Variants in PNPLA1 observed in about 807,000 individuals in gnomAD.
The protein encoded by PNPLA1 is patatin like domain 1, omega-hydroxyceramide transacylase, also known as omega-hydroxyceramide transacylase.
Under a neutral mutation model 51.7 loss-of-function variants are expected in PNPLA1, and 36 were observed. The observed-to-expected ratio is 0.70, with a 90% confidence interval of 0.53 to 0.92. PNPLA1 has a LOEUF of 0.92. PNPLA1 is among the 40% of genes least tolerant of loss of function. The pLI, the probability that PNPLA1 is intolerant of heterozygous loss-of-function variation, is 0.00. For synonymous variants in PNPLA1, 293 were observed against 280.1 expected, an observed-to-expected ratio of 1.05 and a Z score of -0.46; for missense variants, 658 against 682.5, an observed-to-expected ratio of 0.96 and a Z score of 0.40.
intron 1 of PNPLA1, among the ~76,000 whole-genome samples, chr6:36,277,866 AAAAC>A (rs59344255): frequency 0.25 from 37,225 of 151,906 alleles, 4,509 homozygotes; most frequent in South Asian, 0.27. Context: ...CATGTCTCTA[AAAAC>A]AAACAAACAA....
At chr6:36,273,011 T>G (rs1769967493) in intron 1 of PNPLA1, among the ~76,000 whole-genome samples, 1 of 152,040 alleles carries the variant, frequency 6.6e-6, no homozygotes, top group Admixed American at 6.6e-5. Flanking sequence ...TCCCAGCACT[T>G]TGGAAGGCTG....
At chr6:36,282,787 G>A (rs1770359954) in intron 1 of PNPLA1, among the ~76,000 whole-genome samples, 2 of 152,172 alleles carry the variant, frequency 1.3e-5, no homozygotes, top group Admixed American at 1.3e-4. Context: ...CTGGGTTAAA[G>A]CAATTCTCCT....
intron 5 of PNPLA1, among the ~76,000 whole-genome samples, chr6:36,299,416 G>A (rs1290604039): frequency 1.4e-5 from 2 of 148,072 alleles, no homozygotes; most frequent in Admixed American, 1.4e-4. Context: ...CTCACTGCAA[G>A]CTCCACCTCC....
At chr6:36,281,094 CTT>C (rs1328918259) in intron 1 of PNPLA1, among the ~76,000 whole-genome samples, 2 of 152,192 alleles carry the variant, frequency 1.3e-5, no homozygotes, top group Non-Finnish European at 2.9e-5. Context: ...CACCTGATCT[CTT>C]GTTTCTGAAG....
At chr6:36,277,122 C>G (rs952303288) in intron 1 of PNPLA1, among the ~76,000 whole-genome samples, 1 of 152,154 alleles carries the variant, frequency 6.6e-6, no homozygotes, top group Non-Finnish European at 1.5e-5. Context: ...CATGACAACA[C>G]GACAAAGCCA....
intron 1 of PNPLA1, among the ~76,000 whole-genome samples, chr6:36,274,428 G>A (rs192855093): frequency 2.6e-5 from 4 of 152,284 alleles, no homozygotes; most frequent in African/African-American, 9.6e-5. Context: ...ATCTTGGGAA[G>A]AACATTCTAC....
In PNPLA1 at chr6:36,270,342, G is replaced by T; in HGVS notation, c.-118G>T. 9.5e-7 allele frequency: 1 copy of T among 1,056,022 alleles called. No homozygotes were observed. The highest frequency in any genetic ancestry group is 1.5e-5 in the South Asian group (1 of 65,984). The allele number at this position is 1,056,022 out of a possible 1,614,324, so 65.4% of individuals were successfully genotyped here. On this transcript the variant is annotated 5_prime_UTR_variant, in exon 1 of 9. Transcript: ENST00000636260. ...CCGGGTAGAGACAGCCACATTCCAA[G>T]CTCCGGGGTGGCAGGGAAGCTGGGT...
intron 1 of PNPLA1, among the ~76,000 whole-genome samples, chr6:36,284,848 C>T (rs561363064): frequency 2.6e-5 from 4 of 152,246 alleles, no homozygotes; most frequent in African/African-American, 7.2e-5. Context: ...AGATTTCTTT[C>T]GAACAAAGCC....
In PNPLA1 at chr6:36,293,893, T is replaced by G. The variant is rs2239797; in HGVS notation, c.505-297T>G. 0.12 allele frequency among the ~76,000 whole-genome samples: 18,903 copies of G among 152,122 alleles called. 1,360 individuals are homozygous for G. Among genetic ancestry groups the G allele is most frequent in the Middle Eastern group, 0.24 (71 of 294 alleles). Reference sequence around the variant, plus strand: ...TGCTTTACCCAGAGTATGGGTCCCCTGCACACAGAGCCCTGGGAGCCCCAG... The same window carrying G: ...TGCTTTACCCAGAGTATGGGTCCCCGGCACACAGAGCCCTGGGAGCCCCAG... On this transcript the variant is annotated intron_variant, in intron 3 of 8. Coordinates refer to ENST00000636260, the MANE Select transcript of PNPLA1 (RefSeq NM_001374623.1).
chr6:36,284,232 G>A (rs1294967521), intron 1 of PNPLA1, among the ~76,000 whole-genome samples: 2 of 152,194 alleles, frequency 1.3e-5, no homozygotes, highest in African/African-American at 4.8e-5. Context: ...CTGTTTCCAT[G>A]ACAATCGGAT....
At chr6:36,271,883 G>A (rs944087932) in intron 1 of PNPLA1, among the ~76,000 whole-genome samples, 12 of 152,208 alleles carry the variant, frequency 7.9e-5, no homozygotes, top group Non-Finnish European at 1.3e-4. Context: ...TCCCAGCTCT[G>A]CCATTTCATG....
chr6:36,250,381 A>G (rs1203008339), intron 1 of PNPLA1, among the ~76,000 whole-genome samples: 1 of 152,204 alleles, frequency 6.6e-6, no homozygotes, highest in Non-Finnish European at 1.5e-5. Context: ...TGAGAATATC[A>G]TGGTGTAAGG....
At chr6:36,260,913 T>A (rs1769633121) in intron 1 of PNPLA1, among the ~76,000 whole-genome samples, 1 of 152,076 alleles carries the variant, frequency 6.6e-6, no homozygotes, top group Non-Finnish European at 1.5e-5. Context: ...AGCCTTGACC[T>A]CCCAGGCTCA....
chr6:36,275,220 A>G (rs1346229770), intron 1 of PNPLA1, among the ~76,000 whole-genome samples: 1 of 152,144 alleles, frequency 6.6e-6, no homozygotes, highest in Non-Finnish European at 1.5e-5. Context: ...CTGGGACCAC[A>G]GGTGCATGCC....
At chr6:36,280,149 T>G (rs1770235163) in intron 1 of PNPLA1, among the ~76,000 whole-genome samples, 1 of 152,188 alleles carries the variant, frequency 6.6e-6, no homozygotes, top group Non-Finnish European at 1.5e-5. Flanking sequence ...GCGGTTGCAG[T>G]AAACCAATAT....
At chr6:36,250,860 C>T (rs1201818019) in intron 1 of PNPLA1, among the ~76,000 whole-genome samples, 5 of 152,142 alleles carry the variant, frequency 3.3e-5, no homozygotes, top group South Asian at 2.1e-4. Flanking sequence ...TACGCCACCA[C>T]GTCCAGCTAA....
intron 7 of PNPLA1, among the ~76,000 whole-genome samples, chr6:36,307,146 A>G (rs1771262763): frequency 5.3e-5 from 8 of 152,152 alleles, no homozygotes; most frequent in Admixed American, 5.2e-4. Flanking sequence ...CCATGACCAC[A>G]GCTGCAGGTA....
intron 2 of PNPLA1, 139 bp from the exon 3 acceptor site, chr6:36,292,922 C>A: frequency 1.5e-6 from 1 of 646,876 alleles, no homozygotes; most frequent in Non-Finnish European, 2.5e-6. Context: ...GAACTCGGAG[C>A]TTTGCTTCCC....
intron 1 of PNPLA1, among the ~76,000 whole-genome samples, chr6:36,253,330 A>C (rs59525453): frequency 2.4e-3 from 364 of 152,346 alleles, no homozygotes; most frequent in African/African-American, 8.6e-3. Context: ...TCTGCAATGT[A>C]GCTTTACAAT....
Sources: allele counts gnomAD v4.1 joint callset (sites outside exome capture counted in the v4.1 genomes callset), GRCh38; gene constraint gnomAD v4.1.1; transcripts MANE v1.5; gene names NCBI Gene and HGNC (gene_info 2026-07-23, HGNC 2026-07-21).